Variants in CSMD3 observed in about 807,000 individuals in gnomAD.
CSMD3 encodes the protein CUB and sushi domain-containing protein 3.
CSMD3 carries 177 observed loss-of-function variants against 435.2 expected under a neutral mutation model. The ratio of observed to expected loss-of-function variants is 0.41; its 90% CI spans 0.36 to 0.46. The LOEUF (loss-of-function observed/expected upper bound fraction) is 0.46. Among genes scored for constraint, CSMD3 ranks in the 20% least tolerant of loss-of-function variants. The probability of loss-of-function intolerance (pLI) is 0.34; values close to 1 mark genes in which losing one functional copy is unlikely to be tolerated. For missense variants in CSMD3, 4,265 were observed against 4,504.6 expected (o/e 0.95, Z 1.52); for synonymous variants, 1,656 against 1,520.5 (o/e 1.09, Z -2.07).
chr8:113,065,693 A>T (rs748727186), intron 5 of CSMD3, among the ~76,000 whole-genome samples: 16 of 152,112 alleles, frequency 1.1e-4, no homozygotes, highest in Admixed American at 2.0e-4. Context: ...TGGCAAAAAC[A>T]GCCTCATGTT....
intron 5 of CSMD3, among the ~76,000 whole-genome samples, chr8:113,059,929 A>T (rs187883563): frequency 5.4e-4 from 82 of 152,264 alleles, no homozygotes; most frequent in African/African-American, 1.9e-3. Flanking sequence ...ATGCAAATTA[A>T]TTAGAAGCAA....
intron 61 of CSMD3, among the ~76,000 whole-genome samples, chr8:112,262,500 T>C (rs1816516442): frequency 6.6e-6 from 1 of 152,056 alleles, no homozygotes; most frequent in South Asian, 2.1e-4. Flanking sequence ...ATGTATAGTA[T>C]GTCTTAGGAA....
chr8:112,766,951 A>G (rs2077994904), intron 13 of CSMD3, among the ~76,000 whole-genome samples: 1 of 151,872 alleles, frequency 6.6e-6, no homozygotes, highest in Admixed American at 6.6e-5. Flanking sequence ...ATAAATAGTG[A>G]CTTAGCTTGT....
chr8:112,576,802 T>A (rs1488501123), intron 23 of CSMD3, among the ~76,000 whole-genome samples: 1 of 151,214 alleles, frequency 6.6e-6, no homozygotes, highest in East Asian at 1.9e-4. Context: ...AGTGCTGGGA[T>A]TACAGGCATG....
chr8:112,824,069 T>C (rs2079605326), intron 12 of CSMD3, among the ~76,000 whole-genome samples: 1 of 152,170 alleles, frequency 6.6e-6, no homozygotes, highest in South Asian at 2.1e-4. Flanking sequence ...CCTTTACTAT[T>C]ATGTAATACC....
At chr8:112,598,365 A>G (rs1309711072) in intron 22 of CSMD3, among the ~76,000 whole-genome samples, 2 of 151,570 alleles carry the variant, frequency 1.3e-5, no homozygotes, top group East Asian at 1.9e-4. Context: ...GAAGAAATAA[A>G]AGAGGATACA....
intron 38 of CSMD3, among the ~76,000 whole-genome samples, chr8:112,353,831 T>C (rs1206198756): frequency 6.6e-6 from 1 of 152,046 alleles, no homozygotes; most frequent in Admixed American, 6.6e-5. Flanking sequence ...GAAGGGACTT[T>C]CCTAACTCGT....
intron 2 of CSMD3, among the ~76,000 whole-genome samples, chr8:113,281,159 T>C (rs113751097): frequency 1.1e-4 from 16 of 152,066 alleles, no homozygotes; most frequent in African/African-American, 3.9e-4. Flanking sequence ...TTGGATAAAA[T>C]GTGCTGTATA....
At chr8:113,251,448 T>C (rs1165928502) in intron 3 of CSMD3, among the ~76,000 whole-genome samples, 4 of 152,042 alleles carry the variant, frequency 2.6e-5, no homozygotes. Flanking sequence ...TTTAATTTAT[T>C]CTTTTTTAAA....
chr8:112,510,216 A>AT (rs1156709923), intron 28 of CSMD3, among the ~76,000 whole-genome samples: 1 of 152,232 alleles, frequency 6.6e-6, no homozygotes, highest in East Asian at 1.9e-4. Flanking sequence ...ATTATTCCCC[A>AT]TTTTTTTCCT....
intron 3 of CSMD3, among the ~76,000 whole-genome samples, chr8:113,202,840 A>C (rs894069031): frequency 6.6e-6 from 1 of 152,176 alleles, no homozygotes. Context: ...TAGCTCTACA[A>C]TGAAGCTGAA....
intron 13 of CSMD3, among the ~76,000 whole-genome samples, chr8:112,746,659 T>C (rs780025126): frequency 4.0e-4 from 60 of 151,896 alleles, no homozygotes; most frequent in Non-Finnish European, 5.6e-4. Context: ...TATTTTTGAA[T>C]TATCTCTATT....
chr8:112,608,603 T>C (rs529051349), intron 22 of CSMD3, among the ~76,000 whole-genome samples: 1 of 150,896 alleles, frequency 6.6e-6, no homozygotes, highest in Admixed American at 6.6e-5. Context: ...TATATATACA[T>C]ACACACACAC....
At chr8:112,783,666 A>G (rs1220746130) in intron 13 of CSMD3, among the ~76,000 whole-genome samples, 1 of 152,100 alleles carries the variant, frequency 6.6e-6, no homozygotes, top group East Asian at 1.9e-4. Flanking sequence ...GGATTTTTAA[A>G]AAGTCCTAAA....
intron 36 of CSMD3, 143 bp from the exon 37 acceptor site, chr8:112,383,806 T>C (rs571190178): frequency 1.5e-6 from 1 of 677,362 alleles, no homozygotes; most frequent in African/African-American, 1.8e-5. Context: ...TTAACAGAAC[T>C]GATTTTTTCC....
intron 1 of CSMD3, among the ~76,000 whole-genome samples, chr8:113,357,590 A>G (rs2094240469): frequency 6.6e-6 from 1 of 152,188 alleles, no homozygotes; most frequent in Non-Finnish European, 1.5e-5. Context: ...TCAAACATTG[A>G]TTGTTTTATA....
At chr8:112,463,915 A>G (rs948964740) in intron 32 of CSMD3, among the ~76,000 whole-genome samples, 1 of 152,134 alleles carries the variant, frequency 6.6e-6, no homozygotes, top group African/African-American at 2.4e-5. Context: ...AACCTCCTAA[A>G]AGAAGATGAC....
intron 6 of CSMD3, among the ~76,000 whole-genome samples, chr8:112,986,183 G>A (rs1445644299): frequency 1.3e-5 from 2 of 152,022 alleles, no homozygotes; most frequent in Admixed American, 1.3e-4. Context: ...CAATTGTTTT[G>A]TTATTTTGTT....
chr8:112,865,596 A>G (rs1042616495), intron 10 of CSMD3, among the ~76,000 whole-genome samples: 4 of 151,962 alleles, frequency 2.6e-5, no homozygotes, highest in Admixed American at 1.3e-4. Context: ...CTCACCTGGC[A>G]TAAGTTTCTA....
Sources: allele counts gnomAD v4.1 joint callset (sites outside exome capture counted in the v4.1 genomes callset), GRCh38; gene constraint gnomAD v4.1.1; transcripts MANE v1.5; gene names NCBI Gene and HGNC (gene_info 2026-07-23, HGNC 2026-07-21).